The following DCDC1 variants were observed in gnomAD, a reference collection of about 807,000 sequenced individuals.
DCDC1 encodes the protein doublecortin domain-containing protein 1.
In DCDC1, 200 loss-of-function variants were observed where a neutral mutation model predicts 178.3. The ratio of observed to expected loss-of-function variants is 1.12; its 90% confidence interval spans 1.00 to 1.26. DCDC1 has a LOEUF of 1.26. Ranked by LOEUF, DCDC1 falls within the 50% of genes most tolerant of loss-of-function variation. The probability of loss-of-function intolerance (pLI) is 0.00; values close to 1 mark genes in which losing one functional copy is unlikely to be tolerated. For synonymous variants in DCDC1, 690 were observed against 604.8 expected (o/e 1.14, Z -2.07); for missense variants, 1,983 against 1,749.2 (o/e 1.13, Z -2.38).
intron 7 of DCDC1, among the ~76,000 whole-genome samples, chr11:31,273,765 T>C (rs867084842): frequency 6.6e-6 from 1 of 152,190 alleles, no homozygotes; most frequent in African/African-American, 2.4e-5. Context: ...GAGAAAGACA[T>C]ACCCAAGAAT....
rs564957439 is a variant in DCDC1, at chr11:31,062,294, C to A, written c.2591+2175G>T. 6.6e-5 allele frequency among the ~76,000 whole-genome samples: 10 copies of A among 152,196 alleles called. No individual in the cohort carries two copies. The South Asian group carries it at 2.1e-3, about 32-fold the overall frequency. ...TGGCTGCCAAATAAGCCTAGAGAGG[C>A]CAGAAACAGCCTCATAGAGCGGTAT... is the stretch of plus-strand genomic sequence containing the variant. On this transcript the variant is annotated intron_variant, in intron 20 of 38. Transcript: ENST00000684477.
chr11:31,333,677 T>C (rs1257768599), intron 2 of DCDC1, among the ~76,000 whole-genome samples: 2 of 152,178 alleles, frequency 1.3e-5, no homozygotes, highest in Non-Finnish European at 2.9e-5. Context: ...GGTTAAAAAT[T>C]CTTTTCTTTA....
At chr11:31,142,208 C>T (rs888731637) in intron 9 of DCDC1, among the ~76,000 whole-genome samples, 2 of 152,086 alleles carry the variant, frequency 1.3e-5, no homozygotes, top group African/African-American at 4.8e-5. Flanking sequence ...AAATTCATTA[C>T]TGGAATTAAG....
chr11:31,363,771 A>G (rs888446233), intron 1 of DCDC1, among the ~76,000 whole-genome samples: 55 of 152,208 alleles, frequency 3.6e-4, no homozygotes, highest in African/African-American at 1.3e-3. Flanking sequence ...AGTCAATTAC[A>G]TGACAAAAAT....
At chr11:31,005,849 T>C (rs1951808198) in intron 20 of DCDC1, among the ~76,000 whole-genome samples, 1 of 151,740 alleles carries the variant, frequency 6.6e-6, no homozygotes, top group African/African-American at 2.4e-5. Context: ...TTTCCCTCCA[T>C]TCTTTTTAAA....
chr11:31,148,620 C>A (rs1396644005), intron 9 of DCDC1, among the ~76,000 whole-genome samples: 2 of 151,380 alleles, frequency 1.3e-5, no homozygotes, highest in Non-Finnish European at 2.9e-5. Flanking sequence ...ATATAATACT[C>A]TTTTAAAATG....
intron 9 of DCDC1, among the ~76,000 whole-genome samples, chr11:31,156,527 A>G (rs1435239813): frequency 6.6e-6 from 1 of 152,104 alleles, no homozygotes; most frequent in African/African-American, 2.4e-5. Context: ...TTAGTAATGT[A>G]TTTTCTTTAC....
At chr11:31,178,405 T>C (rs1285756008) in intron 9 of DCDC1, among the ~76,000 whole-genome samples, 2 of 152,150 alleles carry the variant, frequency 1.3e-5, no homozygotes, top group African/African-American at 4.8e-5. Context: ...AAAACAAAAA[T>C]GTAAAGCCTG....
At chr11:31,288,112 A>G (rs1313353811) in intron 7 of DCDC1, among the ~76,000 whole-genome samples, 3 of 151,976 alleles carry the variant, frequency 2.0e-5, no homozygotes, top group East Asian at 1.9e-4. Context: ...ACAGCCATCA[A>G]TTATCTGAAA....
intron 1 of DCDC1, among the ~76,000 whole-genome samples, chr11:31,341,845 A>ACACACAT (rs1950567324): frequency 1.3e-5 from 2 of 149,936 alleles, no homozygotes; most frequent in African/African-American, 4.9e-5. Context: ...ACACACACAC[A>ACACACAT]TTTTTTTTGG....
At chr11:30,868,423 G>C (rs1449833495) in intron 38 of DCDC1, among the ~76,000 whole-genome samples, 2 of 151,712 alleles carry the variant, frequency 1.3e-5, no homozygotes, top group African/African-American at 2.4e-5. Flanking sequence ...GTTAATTTTT[G>C]TATTTTTAGT....
chr11:30,979,157 A>AC (rs55900447), intron 20 of DCDC1, among the ~76,000 whole-genome samples: 152,239 of 152,240 alleles, frequency 1, 76,119 homozygotes, highest in Non-Finnish European at 1. Context: ...TCTGGGATTC[A>AC]CTCCTCCACA....
chr11:31,107,901 G>A lies in DCDC1; in HGVS notation c.1588-941C>T, dbSNP rs189378318. Among the ~76,000 whole-genome samples, 264 of 152,216 alleles carry A rather than the reference G, an allele frequency of 1.7e-3. 1 individual carries two copies. The highest frequency in any genetic ancestry group is 6.2e-3 in the African/African-American group (256 of 41,548). On this transcript the variant is annotated intron_variant, in intron 12 of 38. Coordinates refer to ENST00000684477, the MANE Select transcript of DCDC1 (RefSeq NM_001387274.1). ...TTCTTGTTATCCTGTAATCCCTGCA[G>A]GGATGTAGATATAGCTGTGGTCTTT... is the stretch of plus-strand genomic sequence containing the variant.
rs532138499 is a variant in DCDC1, at chr11:31,358,285, A to T, written c.-125+11412T>A. Among the ~76,000 whole-genome samples, 878 of 152,300 alleles carry T rather than the reference A, an allele frequency of 5.8e-3. 13 individuals carry two copies. The highest frequency in any genetic ancestry group is 0.02 in the African/African-American group (845 of 41,540). On this transcript the variant is annotated intron_variant, in intron 1 of 38. Coordinates refer to ENST00000684477, the MANE Select transcript of DCDC1 (RefSeq NM_001387274.1). ...GCAGAGCCCTCAGAAATAATGCTGC[A>T]TATCTACAAGTATCTGATCTTTGAC... is the stretch of plus-strand genomic sequence containing the variant.
Position 31,306,347 on chromosome 11 carries a change from T to C in DCDC1, c.476A>G (p.Asn159Ser). The C allele has an allele frequency of 1.2e-6, 2 of 1,609,228 alleles. No individual in the cohort carries two copies. Among genetic ancestry groups the C allele is most frequent in the Admixed American group, 1.7e-5 (1 of 59,374 alleles). Residue 159 changes from asparagine (N) to serine (S), a missense_variant, in exon 5 of 39, where the codon AAT becomes AGT. Coordinates refer to ENST00000684477, the MANE Select transcript of DCDC1 (RefSeq NM_001387274.1). Reference sequence around the variant, plus strand: ...GTGTCTTTGAGACAATTTCTGCCAATTCCGGGCTGACTGAAATTTTAAAGA... The same window carrying C: ...GTGTCTTTGAGACAATTTCTGCCAACTCCGGGCTGACTGAAATTTTAAAGA... The part of the protein sequence containing the change: ...FSSLKFQSAR[N>S]WQKLSQRHKL...
intron 20 of DCDC1, among the ~76,000 whole-genome samples, chr11:30,998,256 C>T (rs1951381166): frequency 6.6e-6 from 1 of 152,094 alleles, no homozygotes; most frequent in Admixed American, 6.6e-5. Context: ...TGTGCCACTG[C>T]ACTCCAGCCT....
At chr11:31,086,581 G>A (rs759634700) in intron 17 of DCDC1, among the ~76,000 whole-genome samples, 7 of 151,568 alleles carry the variant, frequency 4.6e-5, no homozygotes, top group Non-Finnish European at 1.0e-4. Context: ...TTTTATTTTT[G>A]TGGATCATGC....
intron 18 of DCDC1, among the ~76,000 whole-genome samples, chr11:31,067,239 C>G (rs1300521899): frequency 6.6e-6 from 1 of 151,986 alleles, no homozygotes; most frequent in Non-Finnish European, 1.5e-5. Context: ...AACTCTTATA[C>G]TCACTAATGA....
chr11:30,900,299 C>T (rs1944563104), intron 33 of DCDC1, 47 bp downstream of exon 33: 2 of 1,420,522 alleles, frequency 1.4e-6, no homozygotes, highest in Non-Finnish European at 1.9e-6. Context: ...GTATTTCTCT[C>T]TCCCTTCATA....
Sources: allele counts gnomAD v4.1 joint callset (sites outside exome capture counted in the v4.1 genomes callset), GRCh38; gene constraint gnomAD v4.1.1; transcripts MANE v1.5; gene names NCBI Gene and HGNC (gene_info 2026-07-23, HGNC 2026-07-21).